Variants in MERTK observed in about 807,000 individuals in gnomAD.
MERTK encodes MER proto-oncogene, tyrosine kinase.
In MERTK, 69 loss-of-function variants were observed where a neutral mutation model predicts 99.3. That is an observed-to-expected ratio of 0.70 (90% CI 0.57 to 0.85). MERTK has a LOEUF of 0.85. Ranked by LOEUF, MERTK falls within the 40% of genes least tolerant of loss-of-function variation. MERTK has a pLI of 0.00. For synonymous variants in MERTK, 426 were observed against 467.6 expected, an observed-to-expected ratio of 0.91 and a Z score of 1.15; for missense variants, 1,125 against 1,249.4, an observed-to-expected ratio of 0.90 and a Z score of 1.50.
rs1387518608 is a variant in MERTK at position 112,022,195 on chromosome 2, A to C, written c.2350-63A>C. On this transcript the variant is annotated intron_variant, in intron 17 of 18. Transcript: ENST00000295408. ...TTTAAGGAAATGACCTTTCCCAGTG[A>C]AAAAGTCCATTCAGGCTTTGTGGAA... The C allele has an allele frequency of 3.1e-6, 5 of 1,610,752 alleles. No individual in the cohort carries two copies. The African/African-American group carries it at 6.7e-5, about 22-fold the overall frequency.
In MERTK at chr2:111,975,361, C is replaced by G. The variant is rs1334100908; in HGVS notation, c.1033C>G (p.Gln345Glu). The change falls in exon 7 of 19, where the codon CAA becomes GAA. Residue 345 changes from glutamine to glutamate, a missense_variant. Physicochemically the swap from Gln to Glu is conservative, Grantham distance 29 (BLOSUM62 2). Transcript: ENST00000295408. ...FNTSALPHLY[Q>E]IKQLQALANY... The stretch of plus-strand genomic sequence containing the variant: ...CACCTCTGCCTTACCACATCTGTAC[C>G]AAATCAAGCAGCTGCAAGCCCTGGC... The G allele has an allele frequency of 1.2e-6, 2 of 1,614,036 alleles. No individual in the cohort carries two copies. The highest frequency in any genetic ancestry group is 2.7e-5 in the African/African-American group (2 of 74,916).
intron 18 of MERTK, chr2:112,026,049 A>G (rs1677454384): frequency 6.5e-6 from 1 of 153,734 alleles, no homozygotes; most frequent in African/African-American, 2.4e-5. Context: ...AAAAGCAATT[A>G]CCAAACTTAT....
At chr2:111,910,610 G>GTGTGTATATA (rs370882764) in intron 1 of MERTK, among the ~76,000 whole-genome samples, 157 of 143,658 alleles carry the variant, frequency 1.1e-3, no homozygotes, top group Non-Finnish European at 1.6e-3. Context: ...GTGTGTGTGT[G>GTGTGTATATA]TATATATATA....
chr2:112,009,930 C>G lies in MERTK; in HGVS notation c.1961-18C>G. The G allele has an allele frequency of 1.3e-6, 2 of 1,553,272 alleles. No individual in the cohort carries two copies. Among genetic ancestry groups the G allele is most frequent in the South Asian group, 2.2e-5 (2 of 89,786 alleles). ...TAACAAGGACTCTTTGTAATTGATG[C>G]TGTGTTTGTAATTTCAGGTGTGTGT... On this transcript the variant is annotated intron_variant, in intron 14 of 18. Coordinates refer to ENST00000295408, the MANE Select transcript of MERTK (RefSeq NM_006343.3).
chr2:112,029,465 A>T lies in MERTK; in HGVS notation c.*601A>T, dbSNP rs1010648448. 4.7e-6 allele frequency: 2 copies of T among 421,640 alleles called. No homozygotes were observed. The highest frequency in any genetic ancestry group is 1.0e-4 in the South Asian group (1 of 10,040). The allele number at this position is 421,640 out of a possible 1,614,324, so 26.1% of individuals were successfully genotyped here. A position where few individuals can be genotyped will look rare whatever the true frequency, so the allele number is the denominator to read the frequency against. ...CCCTTAATGCCTGGTCCTTGGGGCA[A>T]TTGCTCTGACCATTCTTGGCATTGC... On this transcript the variant is annotated 3_prime_UTR_variant, in exon 19 of 19. Transcript: ENST00000295408.
chr2:112,010,842 C>T (rs1465649073), intron 15 of MERTK, among the ~76,000 whole-genome samples: 5 of 152,162 alleles, frequency 3.3e-5, no homozygotes, highest in East Asian at 1.9e-4. Flanking sequence ...CTAAGCAGGA[C>T]GCCCCTTCCT....
rs1179248037 is a variant in MERTK, at chr2:111,898,841, CAGGAGGAAGCAGGGGCCTCTG to C, written c.61+46_61+66del. 3.2e-6 allele frequency: 5 copies of C among 1,544,424 alleles called. No individual in the cohort carries two copies. In the Admixed American group the frequency reaches 7.8e-5, roughly 24 times the overall value. On this transcript the variant is annotated intron_variant, in intron 1 of 18. Coordinates refer to ENST00000295408, the MANE Select transcript of MERTK (RefSeq NM_006343.3). ...GGCCAGGCGAGGGGGTGGGGGCTCCCAGGAGGAAGCAGGGGCCTCTGGGGAGGGAGCGCGTCCACAGGGGCG... is the reference window on the plus strand; with the variant it reads ...GGCCAGGCGAGGGGGTGGGGGCTCCCGGGAGGGAGCGCGTCCACAGGGGCG...
intron 10 of MERTK, among the ~76,000 whole-genome samples, 193 bp downstream of exon 10, chr2:111,997,669 G>GCC (rs1676779049): frequency 6.6e-6 from 1 of 152,082 alleles, no homozygotes; most frequent in Non-Finnish European, 1.5e-5. Flanking sequence ...CAAAAGCCAG[G>GCC]CCTGAAAAGG....
At chr2:111,969,694 T>C (rs34682388) in intron 6 of MERTK, among the ~76,000 whole-genome samples, 32,436 of 146,380 alleles carry the variant, frequency 0.22, 3,653 homozygotes, top group Middle Eastern at 0.34. Flanking sequence ...CCTTTCTTTT[T>C]TTTTTTTTTT....
At chr2:111,968,343 C>A in intron 6 of MERTK, 91 bp downstream of exon 6, 1 of 992,614 alleles carries the variant, frequency 1.0e-6, no homozygotes, top group Non-Finnish European at 1.6e-6. Context: ...GCATGGAGGG[C>A]ATTTCTCCAT....
chr2:111,902,787 T>C, intron 1 of MERTK, among the ~76,000 whole-genome samples: 1 of 60,778 alleles, frequency 1.6e-5, no homozygotes, highest in Admixed American at 2.6e-4. Context: ...CCTTCCTTCC[T>C]TCCTCCCTCC....
At chr2:112,026,387 C>T (rs1677461455) in intron 18 of MERTK, among the ~76,000 whole-genome samples, 1 of 152,166 alleles carries the variant, frequency 6.6e-6, no homozygotes, top group African/African-American at 2.4e-5. Flanking sequence ...AATACCACAG[C>T]CTCTTGATGA....
intron 4 of MERTK, chr2:111,952,083 C>T (rs1367781909): frequency 6.6e-6 from 1 of 152,148 alleles, no homozygotes; most frequent in Non-Finnish European, 1.5e-5. Context: ...AGGTCAGTTA[C>T]ACCCTTACAA....
chr2:111,974,468 TA>T (rs1242980402), intron 6 of MERTK, among the ~76,000 whole-genome samples: 1 of 150,922 alleles, frequency 6.6e-6, no homozygotes, highest in Non-Finnish European at 1.5e-5. Flanking sequence ...GGTTACATAA[TA>T]AAAAGAAAGA....
chr2:111,971,488 C>T (rs894166697), intron 6 of MERTK, among the ~76,000 whole-genome samples: 2 of 151,968 alleles, frequency 1.3e-5, no homozygotes, highest in African/African-American at 4.8e-5. Context: ...TAGCTGCATC[C>T]CATAAGGTTT....
At chr2:111,966,484 G>A (rs1472102543) in intron 5 of MERTK, among the ~76,000 whole-genome samples, 1 of 152,208 alleles carries the variant, frequency 6.6e-6, no homozygotes, top group Admixed American at 6.5e-5. Flanking sequence ...TCATGAGTGT[G>A]TGTGAGTTTG....
At chr2:111,913,674 G>C (rs1283390482) in intron 1 of MERTK, among the ~76,000 whole-genome samples, 1 of 152,140 alleles carries the variant, frequency 6.6e-6, no homozygotes, top group Admixed American at 6.5e-5. Context: ...CTCTGGAGTA[G>C]CTGGGATTAC....
intron 4 of MERTK, among the ~76,000 whole-genome samples, chr2:111,950,201 G>T (rs1000089139): frequency 6.6e-6 from 1 of 152,180 alleles, no homozygotes; most frequent in East Asian, 1.9e-4. Context: ...CTCCTAAATT[G>T]CTGGGATTAC....
chr2:111,990,614 G>A (rs1676597291), intron 8 of MERTK, among the ~76,000 whole-genome samples: 2 of 152,322 alleles, frequency 1.3e-5, no homozygotes, highest in East Asian at 1.9e-4. Context: ...AGTAGACACA[G>A]GTTAAGTATC....
Sources: gnomAD v4.1 joint callset for allele counts (sites outside exome capture counted in the v4.1 genomes callset) on GRCh38, gnomAD v4.1.1 for gene constraint, MANE v1.5 for transcripts, NCBI Gene and HGNC (gene_info 2026-07-23, HGNC 2026-07-21) for gene names.